Variants in SCAF8 observed in about 807,000 individuals in gnomAD.
SCAF8 encodes the protein SR-related CTD associated factor 8, also known as SR-related and CTD-associated factor 8.
Under a neutral mutation model 140.5 loss-of-function variants are expected in SCAF8, and 23 were observed. The observed-to-expected ratio is 0.16, with a 90% confidence interval of 0.12 to 0.23. The LOEUF (loss-of-function observed/expected upper bound fraction) is 0.23, where lower values mean the gene tolerates loss of function less well. SCAF8 is among the 10% of genes least tolerant of loss of function. The pLI, the probability that SCAF8 is intolerant of heterozygous loss-of-function variation, is 1.00. For missense variants in SCAF8, 1,397 were observed against 1,555.7 expected (o/e 0.90, Z 1.72); for synonymous variants, 575 against 528.9 (o/e 1.09, Z -1.20).
intron 1 of SCAF8, among the ~76,000 whole-genome samples, chr6:154,750,142 T>C (rs1481743625): frequency 1.3e-5 from 2 of 152,012 alleles, no homozygotes; most frequent in Admixed American, 1.3e-4. Flanking sequence ...GGATTTTTTT[T>C]CTCACCAAGA....
At chr6:154,735,124 C>CAA (rs539040149) in intron 1 of SCAF8, among the ~76,000 whole-genome samples, 33 of 68,652 alleles carry the variant, frequency 4.8e-4, no homozygotes, top group African/African-American at 1.2e-3. Context: ...ACTCTGTCTA[C>CAA]AAAAAAAAAA....
chr6:154,749,142 T>C (rs1423869755), intron 1 of SCAF8, among the ~76,000 whole-genome samples: 1 of 152,156 alleles, frequency 6.6e-6, no homozygotes, highest in African/African-American at 2.4e-5. Flanking sequence ...GAGTTTCTCC[T>C]GGTTTATTAG....
Position 154,832,772 on chromosome 6 carries a change from G to A in SCAF8, c.3193G>A (p.Val1065Ile). The A allele has an allele frequency of 1.2e-6, 2 of 1,613,948 alleles. No individual in the cohort carries two copies. The highest frequency in any genetic ancestry group is 8.5e-7 in the Non-Finnish European group (1 of 1,179,990). The change falls in exon 20 of 20, where the codon GTA becomes ATA. Residue 1065 changes from valine to isoleucine, a missense_variant. Around this residue, in one of 5 missense-constraint regions of SCAF8, gnomAD observed 930 missense variants for 874.6 expected, o/e 1.06. Transcript: ENST00000367178. Reference sequence around the variant, plus strand: ...TAGGGATCATTTTGGAAGACCTCCTGTAGATATAAGAGAGAATCTTGTGAG... The same window carrying A: ...TAGGGATCATTTTGGAAGACCTCCTATAGATATAAGAGAGAATCTTGTGAG... Reference protein sequence around the residue: ...DGRDHFGRPPVDIRENLVRPG... With the variant: ...DGRDHFGRPPIDIRENLVRPG...
intron 1 of SCAF8, among the ~76,000 whole-genome samples, chr6:154,771,151 T>A (rs1161261481): frequency 6.6e-6 from 1 of 152,196 alleles, no homozygotes; most frequent in East Asian, 1.9e-4. Context: ...AAATCAAGTA[T>A]TAGTTAAATA....
rs1398849219 is a variant in SCAF8 at position 154,832,734 on chromosome 6, C to A, written c.3155C>A (p.Pro1052His). 1.9e-6 allele frequency: 3 copies of A among 1,613,904 alleles called. No individual in the cohort carries two copies. Among genetic ancestry groups the A allele is most frequent in the Middle Eastern group, 1.7e-4 (1 of 6,060 alleles). ...GATCCAAGAGAAGGTCCTGGACGGC[C>A]TCCACTAGATGGTAGGGATCATTTT... ...PIDPREGPGR[P>H]PLDGRDHFGR... Residue 1052 changes from proline (P) to histidine (H), a missense_variant, in exon 20 of 20, where the codon CCT becomes CAT. By Grantham distance (77) the Pro-to-His change is moderately conservative. Around this residue, in one of 5 missense-constraint regions of SCAF8, gnomAD observed 930 missense variants for 874.6 expected, o/e 1.06. Coordinates refer to ENST00000367178, the MANE Select transcript of SCAF8 (RefSeq NM_014892.5).
At chr6:154,768,903 A>C (rs1463417501) in intron 1 of SCAF8, among the ~76,000 whole-genome samples, 2 of 152,056 alleles carry the variant, frequency 1.3e-5, no homozygotes, top group African/African-American at 4.8e-5. Flanking sequence ...TCTCTACTAA[A>C]AATACAAAAA....
chr6:154,793,331 C>A (rs1329503691), intron 5 of SCAF8, among the ~76,000 whole-genome samples: 4 of 151,810 alleles, frequency 2.6e-5, no homozygotes, highest in Non-Finnish European at 4.4e-5. Flanking sequence ...TTTTAAGAAA[C>A]CCTGAAACAA....
At position 154,733,446 on chromosome 6, in the gene SCAF8, G is replaced by C. The variant is rs970503942; in HGVS notation, c.-455G>C. The C allele has an allele frequency of 1.4e-6, 2 of 1,392,552 alleles. No homozygotes were observed. Among genetic ancestry groups the C allele is most frequent in the Middle Eastern group, 2.1e-4 (1 of 4,822 alleles). The allele number at this position is 1,392,552 out of a possible 1,614,324, so 86.3% of individuals were successfully genotyped here. Reference sequence around the variant, plus strand: ...GGATGCCGCAGCCGCTGCTGCCAGCGCTTCCTCCTCTGTCTTCGCCGAGCG... The same window carrying C: ...GGATGCCGCAGCCGCTGCTGCCAGCCCTTCCTCCTCTGTCTTCGCCGAGCG... On this transcript the variant is annotated 5_prime_UTR_variant, in exon 1 of 20. Transcript: ENST00000367178.
chr6:154,759,725 G>C (rs1224681725), intron 1 of SCAF8, among the ~76,000 whole-genome samples: 3 of 150,148 alleles, frequency 2.0e-5, no homozygotes, highest in Admixed American at 1.3e-4. Flanking sequence ...GAGTGAAGTG[G>C]TGCGATCTTG....
At chr6:154,828,840 T>G (rs1778645955) in intron 18 of SCAF8, among the ~76,000 whole-genome samples, 1 of 152,238 alleles carries the variant, frequency 6.6e-6, no homozygotes, top group South Asian at 2.1e-4. Context: ...AGAAATTAGC[T>G]ACTTTGATTT....
Position 154,832,396 on chromosome 6 carries a change from C to T in SCAF8, c.2817C>T (p.Phe939=), listed in dbSNP as rs771087238. The T allele has an allele frequency of 6.2e-7, 1 of 1,614,108 alleles. No homozygotes were observed. Among genetic ancestry groups the T allele is most frequent in the Non-Finnish European group, 8.5e-7 (1 of 1,180,006 alleles). Residue 939 remains phenylalanine (F), a synonymous_variant, in exon 20 of 20, where the codon TTC becomes TTT. Transcript: ENST00000367178. The part of the protein sequence containing the change: ...GLIPQAPGPR[F]PLIQPGIPPQ... ...TACCACAGGCACCTGGGCCAAGATT[C>T]CCTTTAATACAGCCTGGAATTCCAC...
chr6:154,789,569 G>A (rs1381368014), intron 4 of SCAF8, among the ~76,000 whole-genome samples: 5 of 141,826 alleles, frequency 3.5e-5, no homozygotes, highest in East Asian at 2.0e-4. Flanking sequence ...TTTTTGAGAC[G>A]GAGTCTTGCT....
rs565715919 is a variant in SCAF8 at position 154,810,871 on chromosome 6, A to G, written c.1420+663A>G. On this transcript the variant is annotated intron_variant, in intron 12 of 19. Coordinates refer to ENST00000367178, the MANE Select transcript of SCAF8 (RefSeq NM_014892.5). ...AGTTTACATATGGGCAAAGAAGTAC[A>G]TAAAATCGAACAAATTGTCATTCTT... 2.8e-4 allele frequency among the ~76,000 whole-genome samples: 43 copies of G among 152,336 alleles called. 1 individual carries two copies. The highest frequency in any genetic ancestry group is 9.6e-4 in the African/African-American group (40 of 41,574).
intron 10 of SCAF8, 60 bp from the exon 11 acceptor site, chr6:154,808,626 A>G: frequency 9.6e-7 from 1 of 1,041,034 alleles, no homozygotes; most frequent in Non-Finnish European, 1.5e-6. Context: ...CAGAATTGTC[A>G]ATGTATAACT....
At chr6:154,803,661 T>C (rs745408829) in intron 8 of SCAF8, 38 bp downstream of exon 8, 11 of 1,263,202 alleles carry the variant, frequency 8.7e-6, no homozygotes, top group Middle Eastern at 2.0e-4. Flanking sequence ...TTTTTTTATA[T>C]TTAGTGGGAT....
intron 11 of SCAF8, 112 bp downstream of exon 11, chr6:154,808,910 GTC>G: frequency 1.4e-6 from 1 of 705,546 alleles, no homozygotes; most frequent in Non-Finnish European, 2.3e-6. Context: ...TTTTTTCTCA[GTC>G]TCTCGGAAAA....
At chr6:154,828,288 C>A (rs1006415321) in intron 18 of SCAF8, among the ~76,000 whole-genome samples, 5 of 151,916 alleles carry the variant, frequency 3.3e-5, no homozygotes, top group African/African-American at 9.7e-5. Flanking sequence ...ACTTAGTTAC[C>A]TTGAAGTGTG....
intron 1 of SCAF8, among the ~76,000 whole-genome samples, chr6:154,739,661 A>G (rs768257395): frequency 6.6e-6 from 1 of 152,132 alleles, no homozygotes; most frequent in Non-Finnish European, 1.5e-5. Flanking sequence ...TGTCTTTGGG[A>G]TCCTTTTGGA....
At chr6:154,829,999 A>C (rs1778685650) in intron 18 of SCAF8, among the ~76,000 whole-genome samples, 2 of 152,220 alleles carry the variant, frequency 1.3e-5, no homozygotes, top group African/African-American at 4.8e-5. Context: ...CAAAGTGTTC[A>C]GAAGTCATTT....
Sources: gnomAD v4.1 joint callset for allele counts (sites outside exome capture counted in the v4.1 genomes callset) on GRCh38, gnomAD v4.1.1 for gene constraint, gnomAD v4.1.1 regional missense constraint, MANE v1.5 for transcripts, NCBI Gene and HGNC (gene_info 2026-07-23, HGNC 2026-07-21) for gene names.